DENND2C: variants seen among roughly 807,000 people sequenced by gnomAD.
DENND2C encodes DENN domain-containing protein 2C.
Under a neutral mutation model 112.4 loss-of-function variants are expected in DENND2C, and 72 were observed. The observed-to-expected ratio is 0.64, with a 90% CI of 0.53 to 0.78. The LOEUF (loss-of-function observed/expected upper bound fraction) is 0.78, where lower values mean the gene tolerates loss of function less well. Among genes scored for constraint, DENND2C ranks in the 30% least tolerant of loss-of-function variants. The pLI is 0.00. For synonymous variants in DENND2C, 329 were observed against 381.6 expected (o/e 0.86, Z 1.61); for missense variants, 992 against 1,113.8 (o/e 0.89, Z 1.56).
At chr1:114,644,590 A>G (rs553096826) in intron 3 of DENND2C, among the ~76,000 whole-genome samples, 1 of 152,316 alleles carries the variant, frequency 6.6e-6, no homozygotes, top group Non-Finnish European at 1.5e-5. Context: ...AAAATAACTT[A>G]TTTAAATAAT....
At chr1:114,651,948 A>G (rs541615197) in intron 2 of DENND2C, among the ~76,000 whole-genome samples, 1 of 152,098 alleles carries the variant, frequency 6.6e-6, no homozygotes, top group South Asian at 2.1e-4. Context: ...GTAGCCCAGC[A>G]TGGGATGTTA....
intron 20 of DENND2C, 109 bp from the exon 21 acceptor site, chr1:114,585,740 G>A (rs1432819732): frequency 2.7e-6 from 3 of 1,115,806 alleles, no homozygotes; most frequent in Admixed American, 4.1e-5. Flanking sequence ...CAAGAGTTAA[G>A]CTGACATCTC....
At position 114,585,591 on chromosome 1, in the gene DENND2C, T is replaced by A. The variant is rs762809344; in HGVS notation, c.*9A>T. On this transcript the variant is annotated 3_prime_UTR_variant, in exon 21 of 21. Transcript: ENST00000393274. ...TGTTGTATATTCAGGATGGAGACAA[T>A]CAGAGATTTCATTTCTTTTGCAGAA... The A allele has an allele frequency of 6.2e-7, 1 of 1,613,804 alleles. No individual in the cohort carries two copies. Among genetic ancestry groups the A allele is most frequent in the Non-Finnish European group, 8.5e-7 (1 of 1,179,758 alleles).
chr1:114,611,016 A>G (rs1655800842), intron 9 of DENND2C, 57 bp downstream of exon 9: 9 of 1,590,008 alleles, frequency 5.7e-6, no homozygotes, highest in Non-Finnish European at 6.9e-6. Context: ...GGTAGGTGCC[A>G]CTCCACCTAA....
At chr1:114,637,369 C>CAAAAAAAAAAAAAAAA (rs71575188) in intron 3 of DENND2C, among the ~76,000 whole-genome samples, 14 of 127,676 alleles carry the variant, frequency 1.1e-4, no homozygotes, top group East Asian at 4.9e-4. Context: ...GACTCTGTCT[C>CAAAAAAAAAAAAAAAA]AAAAAAAAAA....
rs1447573717 is a variant in DENND2C at position 114,622,079 on chromosome 1, A to G, written c.1057-14T>C. On this transcript the variant is annotated splice_polypyrimidine_tract_variant and intron_variant, in intron 6 of 20. Transcript: ENST00000393274. ...TTTTGGAGGGAGCTAAAACAGGAGA[A>G]GATGTACTGGTAAGATCACCTAGTT... The G allele has an allele frequency of 3.3e-6, 5 of 1,522,008 alleles. No homozygotes were observed. In the East Asian group the frequency reaches 1.2e-4, roughly 37 times the overall value. The allele number at this position is 1,522,008 out of a possible 1,614,324, so 94.3% of individuals were successfully genotyped here.
chr1:114,664,048 C>T (rs1484916053), intron 1 of DENND2C, among the ~76,000 whole-genome samples: 1 of 150,792 alleles, frequency 6.6e-6, no homozygotes, highest in Non-Finnish European at 1.5e-5. Flanking sequence ...TAGCAATTCT[C>T]CCACCTCAGC....
At position 114,605,000 on chromosome 1, in the gene DENND2C, A is replaced by G; in HGVS notation, c.1589T>C (p.Met530Thr). ...DDHGYKQSKD[M>T]EERLKVIPKF... ...TGGAATAACTTTAAGTCTCTCTTCC[A>G]TGTCTTTGGACTGCTTATAGCCATG... The change falls in exon 11 of 21, where the codon ATG becomes ACG. Residue 530 changes from methionine to threonine, a missense_variant. By Grantham distance (81) the Met-to-Thr change is moderately conservative. Coordinates refer to ENST00000393274, the MANE Select transcript of DENND2C (RefSeq NM_001256404.2). 1 of 1,613,736 alleles carries G rather than the reference A, an allele frequency of 6.2e-7. No homozygotes were observed. Among genetic ancestry groups the G allele is most frequent in the Non-Finnish European group, 8.5e-7 (1 of 1,179,922 alleles).
intron 8 of DENND2C, among the ~76,000 whole-genome samples, chr1:114,616,395 A>C (rs1205280962): frequency 6.6e-6 from 1 of 152,066 alleles, no homozygotes; most frequent in Non-Finnish European, 1.5e-5. Context: ...CTGTATCCAA[A>C]AGAAAAAAAA....
chr1:114,655,627 G>A (rs1284779397), intron 1 of DENND2C, among the ~76,000 whole-genome samples: 2 of 151,890 alleles, frequency 1.3e-5, no homozygotes, highest in South Asian at 2.1e-4. Flanking sequence ...GGGATTACAG[G>A]CGCCCACCAC....
At chr1:114,587,287 A>G in intron 20 of DENND2C, 100 bp downstream of exon 20, 1 of 1,312,562 alleles carries the variant, frequency 7.6e-7, no homozygotes, top group Admixed American at 1.7e-5. Context: ...CCTCAAGCAA[A>G]CCTCCTTACT....
intron 20 of DENND2C, 139 bp downstream of exon 20, chr1:114,587,248 T>C: frequency 2.3e-6 from 2 of 876,618 alleles, no homozygotes; most frequent in Non-Finnish European, 3.7e-6. Flanking sequence ...GGTCTCACTA[T>C]GTTGCCCACG....
intron 1 of DENND2C, among the ~76,000 whole-genome samples, chr1:114,655,878 G>GTGTATATATATATA (rs1553238216): frequency 3.5e-3 from 70 of 19,942 alleles, no homozygotes; most frequent in African/African-American, 0.018. Flanking sequence ...ATATATATAT[G>GTGTATATATATATA]TATAAATATA....
intron 1 of DENND2C, among the ~76,000 whole-genome samples, chr1:114,657,147 C>G (rs1175537293): frequency 6.6e-6 from 1 of 152,218 alleles, no homozygotes; most frequent in Non-Finnish European, 1.5e-5. Context: ...AGGTTGCAGT[C>G]ACTCCTCAGT....
rs145588809 is a variant in DENND2C at position 114,600,234 on chromosome 1, C to T, written c.2075G>A (p.Arg692His). ...IRVCASLLLERRVIFVANSLS... is the reference protein window; with the variant it reads ...IRVCASLLLEHRVIFVANSLS... ...GCTGTTGGCAACAAAGATTACCCTA[C>T]GCTCCAAAAGGAGAGAGGCACAGAC... The change falls in exon 15 of 21, where the codon CGT becomes CAT. Residue 692 changes from arginine to histidine, a missense_variant. Transcript: ENST00000393274. 63 of 1,613,956 alleles carry T rather than the reference C, an allele frequency of 3.9e-5. No homozygotes were observed. Among genetic ancestry groups the T allele is most frequent in the Middle Eastern group, 1.6e-4 (1 of 6,084 alleles).
chr1:114,608,452 G>A (rs898529936), intron 10 of DENND2C, among the ~76,000 whole-genome samples: 23 of 152,110 alleles, frequency 1.5e-4, no homozygotes, highest in African/African-American at 5.3e-4. Flanking sequence ...TTATTAAATG[G>A]CAGAGCCAAA....
At position 114,608,790 on chromosome 1, in the gene DENND2C, ATTCAATAAGATCCCGC is replaced by A; in HGVS notation, c.1437_1452del (p.Glu479AspfsTer23). 5 of 1,614,194 alleles carry A rather than the reference ATTCAATAAGATCCCGC, an allele frequency of 3.1e-6. No homozygotes were observed. Among genetic ancestry groups the A allele is most frequent in the Non-Finnish European group, 4.2e-6 (5 of 1,180,036 alleles). ...AGTTCAAACAGCTGCTGCTCCTGTAATTCAATAAGATCCCGCTCCAAGGTCTGGTAGTGAGGATTCC... is the reference window on the plus strand; with the variant it reads ...AGTTCAAACAGCTGCTGCTCCTGTAATCCAAGGTCTGGTAGTGAGGATTCC... On this transcript the variant is annotated frameshift_variant, in exon 10 of 21. Transcript: ENST00000393274. LOFTEE classifies it high-confidence loss of function.
chr1:114,628,561 C>G (rs1368719541), intron 3 of DENND2C, among the ~76,000 whole-genome samples: 1 of 152,184 alleles, frequency 6.6e-6, no homozygotes, highest in East Asian at 1.9e-4. Context: ...TGAATTTTAA[C>G]TAGATCTATG....
At chr1:114,609,575 C>A (rs570250155) in intron 9 of DENND2C, among the ~76,000 whole-genome samples, 13 of 152,334 alleles carry the variant, frequency 8.5e-5, no homozygotes, top group African/African-American at 2.9e-4. Context: ...TGGATAGCAT[C>A]TATCCTCTAT....
Sources: gnomAD v4.1 joint callset for allele counts (sites outside exome capture counted in the v4.1 genomes callset) on GRCh38, gnomAD v4.1.1 for gene constraint, MANE v1.5 for transcripts, NCBI Gene and HGNC (gene_info 2026-07-23, HGNC 2026-07-21) for gene names.